The following TTC7B variants were observed in gnomAD, a reference collection of about 807,000 sequenced individuals.
TTC7B encodes tetratricopeptide repeat protein 7B.
In TTC7B, 28 loss-of-function variants were observed where a neutral mutation model predicts 106.8. The observed-to-expected ratio is 0.26, with a 90% confidence interval of 0.19 to 0.36. The LOEUF is 0.36. Ranked by LOEUF, TTC7B falls within the 10% of genes least tolerant of loss-of-function variation. The pLI is 1.00. For missense variants in TTC7B, 862 were observed against 1,076.4 expected (o/e 0.80, Z 2.79); for synonymous variants, 405 against 430.6 (o/e 0.94, Z 0.74).
At chr14:90,756,470 T>C (rs914282447) in intron 3 of TTC7B, among the ~76,000 whole-genome samples, 4 of 151,486 alleles carry the variant, frequency 2.6e-5, no homozygotes, top group Middle Eastern at 3.2e-3. Context: ...CTCGGCTCAC[T>C]GCAACTTCCG....
intron 5 of TTC7B, among the ~76,000 whole-genome samples, chr14:90,714,985 A>G (rs1388053682): frequency 1.3e-5 from 2 of 152,090 alleles, no homozygotes; most frequent in African/African-American, 4.8e-5. Context: ...AGCAGGGCCC[A>G]GTCCCAGAAC....
intron 5 of TTC7B, among the ~76,000 whole-genome samples, chr14:90,719,117 A>T (rs1226267285): frequency 1.3e-5 from 2 of 152,000 alleles, no homozygotes; most frequent in African/African-American, 4.8e-5. Flanking sequence ...AACAAACAAA[A>T]AAACAAAAAT....
chr14:90,614,704 G>C (rs1042627628), intron 16 of TTC7B, among the ~76,000 whole-genome samples: 1 of 152,226 alleles, frequency 6.6e-6, no homozygotes, highest in African/African-American at 2.4e-5. Flanking sequence ...TTTATTTTCT[G>C]TAAAATGGAA....
intron 4 of TTC7B, among the ~76,000 whole-genome samples, chr14:90,736,382 C>T (rs1264638416): frequency 2.0e-5 from 3 of 151,692 alleles, no homozygotes; most frequent in Non-Finnish European, 4.4e-5. Flanking sequence ...AACAGCCTGG[C>T]CAACATGGTG....
chr14:90,578,437 C>T lies in TTC7B; in HGVS notation c.2108-129G>A. 1.1e-6 allele frequency: 1 copy of T among 935,200 alleles called. No homozygotes were observed. Among genetic ancestry groups the T allele is most frequent in the Non-Finnish European group, 1.6e-6 (1 of 610,220 alleles). The allele number at this position is 935,200 out of a possible 1,614,324, so 57.9% of individuals were successfully genotyped here. On this transcript the variant is annotated intron_variant, in intron 18 of 19. Coordinates refer to ENST00000328459, the MANE Select transcript of TTC7B (RefSeq NM_001010854.2). This position sits in a 1 kb window ranked among gnomAD's most constrained non-coding sequence, Gnocchi z 4.7. ...GGCGCAGAGCCAGCTGATCCCTGCT[C>T]CAAGTGGAAACAGCTGCCGCTGACA...
intron 15 of TTC7B, among the ~76,000 whole-genome samples, chr14:90,638,157 T>G (rs947964339): frequency 5.3e-5 from 8 of 152,076 alleles, no homozygotes; most frequent in African/African-American, 1.2e-4. Flanking sequence ...AGTGCTGGCA[T>G]TACAGGCGTG....
intron 17 of TTC7B, among the ~76,000 whole-genome samples, chr14:90,604,203 T>C (rs1021642449): frequency 1.3e-5 from 2 of 152,178 alleles, no homozygotes; most frequent in African/African-American, 4.8e-5. Context: ...TATTCTAGAA[T>C]GGGAAGATCC....
chr14:90,700,432 T>C (rs1887939389), intron 5 of TTC7B, among the ~76,000 whole-genome samples: 1 of 152,038 alleles, frequency 6.6e-6, no homozygotes, highest in Non-Finnish European at 1.5e-5. Context: ...GCAATCATTG[T>C]GAAGGCAAAG....
intron 3 of TTC7B, among the ~76,000 whole-genome samples, chr14:90,764,154 T>C (rs1365093760): frequency 2.6e-5 from 4 of 152,158 alleles, no homozygotes; most frequent in Admixed American, 6.5e-5. Flanking sequence ...AAATAAACAC[T>C]TACATATATG....
chr14:90,690,683 T>C (rs1284805984), intron 6 of TTC7B, among the ~76,000 whole-genome samples: 1 of 152,236 alleles, frequency 6.6e-6, no homozygotes, highest in Non-Finnish European at 1.5e-5. Flanking sequence ...GGTGGCATCA[T>C]AAACCAGCAT....
At chr14:90,651,470 A>G (rs1421773735) in intron 13 of TTC7B, among the ~76,000 whole-genome samples, 2 of 152,262 alleles carry the variant, frequency 1.3e-5, no homozygotes, top group African/African-American at 4.8e-5. Context: ...CTCAAGGCAG[A>G]CCACCACTGT....
At chr14:90,766,961 G>A (rs529779204) in intron 3 of TTC7B, 111 of 1,440,384 alleles carry the variant, frequency 7.7e-5, no homozygotes, top group South Asian at 7.0e-5. Context: ...CGCCATGGCC[G>A]CACTGTGGGT....
chr14:90,582,164 A>C (rs1220370296), intron 18 of TTC7B, among the ~76,000 whole-genome samples: 1 of 152,250 alleles, frequency 6.6e-6, no homozygotes, highest in Non-Finnish European at 1.5e-5. Flanking sequence ...ATCTTACCCC[A>C]GGATACAAAA....
chr14:90,729,485 T>A (rs2139987949), intron 5 of TTC7B, among the ~76,000 whole-genome samples: 1 of 152,186 alleles, frequency 6.6e-6, no homozygotes, highest in East Asian at 1.9e-4. Flanking sequence ...AAACAAGGGA[T>A]AACTGAAGAG....
chr14:90,573,481 C>G (rs1245887518), intron 19 of TTC7B, among the ~76,000 whole-genome samples: 1 of 124,160 alleles, frequency 8.1e-6, no homozygotes, highest in Non-Finnish European at 1.7e-5. Context: ...AGGCCCTCTC[C>G]GCCTCACGGT....
intron 6 of TTC7B, among the ~76,000 whole-genome samples, chr14:90,695,020 T>C (rs1767755698): frequency 6.4e-5 from 8 of 124,862 alleles, no homozygotes; most frequent in South Asian, 2.6e-4. Context: ...TTATTATAAA[T>C]ATATGTATAT....
intron 1 of TTC7B, among the ~76,000 whole-genome samples, chr14:90,792,093 G>A (rs1891605949): frequency 6.6e-6 from 1 of 152,132 alleles, no homozygotes; most frequent in African/African-American, 2.4e-5. Context: ...TTCTCCTGCT[G>A]CTTTGGTTTT....
chr14:90,814,563 T>C (rs1391439580), intron 1 of TTC7B, among the ~76,000 whole-genome samples: 1 of 151,924 alleles, frequency 6.6e-6, no homozygotes, highest in Admixed American at 6.6e-5. Context: ...AGGAAACAAG[T>C]GGATTCAGAA....
At chr14:90,678,019 C>G (rs1886909579) in intron 8 of TTC7B, among the ~76,000 whole-genome samples, 1 of 152,148 alleles carries the variant, frequency 6.6e-6, no homozygotes, top group African/African-American at 2.4e-5. Flanking sequence ...CAAATGGTCT[C>G]ATTTTATTTA....
Sources: allele counts gnomAD v4.1 joint callset (sites outside exome capture counted in the v4.1 genomes callset), GRCh38; gene constraint gnomAD v4.1.1; non-coding constraint Gnocchi (gnomAD v3.1); transcripts MANE v1.5; gene names NCBI Gene and HGNC (gene_info 2026-07-23, HGNC 2026-07-21).